Variants in CPNE8 observed in about 807,000 individuals in gnomAD.
CPNE8 encodes copine-8.
In CPNE8, 45 loss-of-function variants were observed where a neutral mutation model predicts 81.5. The ratio of observed to expected loss-of-function variants is 0.55; its 90% CI spans 0.44 to 0.71. The LOEUF is 0.71. Ranked by LOEUF, CPNE8 falls within the 30% of genes least tolerant of loss-of-function variation. CPNE8 has a pLI of 0.00. For missense variants in CPNE8, 594 were observed against 672.1 expected (o/e 0.88, Z 1.28); for synonymous variants, 252 against 226.3 (o/e 1.11, Z -1.02).
At chr12:38,852,855 ATAT>A (rs1388287565) in intron 3 of CPNE8, among the ~76,000 whole-genome samples, 1 of 152,148 alleles carries the variant, frequency 6.6e-6, no homozygotes, top group African/African-American at 2.4e-5. Context: ...ATATGCATAT[ATAT>A]ATATATGGAA....
At chr12:38,724,778 G>T in intron 12 of CPNE8, 68 bp downstream of exon 12, 1 of 1,056,214 alleles carries the variant, frequency 9.5e-7, no homozygotes, top group Middle Eastern at 3.2e-4. Flanking sequence ...TAGGATTAAA[G>T]ATGCCATCTA....
At chr12:38,679,880 C>T (rs1939372591) in intron 16 of CPNE8, among the ~76,000 whole-genome samples, 1 of 151,562 alleles carries the variant, frequency 6.6e-6, no homozygotes. Context: ...TATAAGCTGG[C>T]CACACCTCAA....
intron 11 of CPNE8, among the ~76,000 whole-genome samples, chr12:38,725,130 C>A (rs891621640): frequency 4.6e-5 from 7 of 152,146 alleles, no homozygotes; most frequent in Non-Finnish European, 1.5e-5. Flanking sequence ...CTCACCTGTA[C>A]ATATTGATTA....
intron 16 of CPNE8, among the ~76,000 whole-genome samples, chr12:38,681,574 T>C (rs1225909594): frequency 6.6e-6 from 1 of 152,164 alleles, no homozygotes; most frequent in African/African-American, 2.4e-5. Flanking sequence ...AGATTATAGA[T>C]ATGGTTAACA....
chr12:38,741,827 A>G (rs77680217), intron 10 of CPNE8, among the ~76,000 whole-genome samples: 1 of 10,942 alleles, frequency 9.1e-5, no homozygotes. Flanking sequence ...AATTTGCAAG[A>G]AAAAAAACAA....
At chr12:38,700,691 C>A (rs1391917311) in intron 14 of CPNE8, among the ~76,000 whole-genome samples, 1 of 152,120 alleles carries the variant, frequency 6.6e-6, no homozygotes, top group African/African-American at 2.4e-5. Context: ...ACCCAAATTT[C>A]ATCTTGAATT....
chr12:38,792,133 G>A (rs1211182669), intron 6 of CPNE8, among the ~76,000 whole-genome samples: 1 of 150,652 alleles, frequency 6.6e-6, no homozygotes, highest in African/African-American at 2.4e-5. Context: ...TTTACAAAAA[G>A]AAAGATCTCA....
intron 16 of CPNE8, chr12:38,679,800 G>C: frequency 3.7e-6 from 2 of 537,148 alleles, no homozygotes; most frequent in South Asian, 1.6e-4. Context: ...TTCTCATTTA[G>C]TTATTTTAAA....
chr12:38,903,695 T>C (rs1246834750), intron 1 of CPNE8, among the ~76,000 whole-genome samples: 3 of 152,226 alleles, frequency 2.0e-5, no homozygotes, highest in Non-Finnish European at 4.4e-5. Context: ...GCTGTTATTG[T>C]AGGACTTCCG....
chr12:38,897,650 T>TTA (rs1176376110), intron 1 of CPNE8, among the ~76,000 whole-genome samples: 1 of 150,364 alleles, frequency 6.7e-6, no homozygotes, highest in Non-Finnish European at 1.5e-5. Flanking sequence ...ATATTACATA[T>TTA]TGTATTATGT....
At chr12:38,677,002 A>C (rs74660539) in intron 17 of CPNE8, among the ~76,000 whole-genome samples, 1 of 151,912 alleles carries the variant, frequency 6.6e-6, no homozygotes, top group African/African-American at 2.4e-5. Context: ...CCCTAAAAAA[A>C]AAACATACAA....
chr12:38,886,249 G>A (rs577378986), intron 1 of CPNE8, among the ~76,000 whole-genome samples: 3 of 152,112 alleles, frequency 2.0e-5, no homozygotes, highest in Non-Finnish European at 4.4e-5. Context: ...CCATTTACTA[G>A]CTGTGTAAAC....
At chr12:38,880,946 C>G (rs1393806300) in intron 1 of CPNE8, among the ~76,000 whole-genome samples, 1 of 152,100 alleles carries the variant, frequency 6.6e-6, no homozygotes, top group Non-Finnish European at 1.5e-5. Flanking sequence ...AGCGGTGGCT[C>G]ATGCCTGTAA....
At chr12:38,884,763 C>T (rs551107276) in intron 1 of CPNE8, among the ~76,000 whole-genome samples, 1 of 152,132 alleles carries the variant, frequency 6.6e-6, no homozygotes, top group East Asian at 1.9e-4. Context: ...GATCACCACA[C>T]GTTTTATCAG....
chr12:38,857,735 C>T lies in CPNE8; in HGVS notation c.187-9073G>A, dbSNP rs913048604. The stretch of plus-strand genomic sequence containing the variant: ...AGACCAGCCTGGCCAACATGGCGAA[C>T]CCCCAAAAAAAATAGCCGGGCATGG... On this transcript the variant is annotated intron_variant, in intron 3 of 19. Coordinates refer to ENST00000331366, the MANE Select transcript of CPNE8 (RefSeq NM_153634.3). 3.3e-5 allele frequency among the ~76,000 whole-genome samples: 5 copies of T among 151,908 alleles called. No individual in the cohort carries two copies. In the East Asian group the frequency reaches 9.7e-4, roughly 29 times the overall value.
At chr12:38,769,799 G>T (rs1941764653) in intron 7 of CPNE8, among the ~76,000 whole-genome samples, 1 of 152,100 alleles carries the variant, frequency 6.6e-6, no homozygotes, top group African/African-American at 2.4e-5. Context: ...ACTGGTAAAT[G>T]TAATACTAAA....
chr12:38,843,395 C>T (rs1299226711), intron 4 of CPNE8, among the ~76,000 whole-genome samples: 3 of 152,144 alleles, frequency 2.0e-5, no homozygotes, highest in African/African-American at 7.2e-5. Context: ...AGTCCATGGC[C>T]AGGTGATGAA....
chr12:38,839,500 G>A (rs970192441), intron 5 of CPNE8, among the ~76,000 whole-genome samples: 4 of 150,924 alleles, frequency 2.7e-5, no homozygotes, highest in Admixed American at 2.0e-4. Context: ...AGATATTCAG[G>A]AAATATTGGT....
intron 13 of CPNE8, among the ~76,000 whole-genome samples, chr12:38,723,172 G>T (rs533676417): frequency 2.0e-5 from 3 of 152,100 alleles, no homozygotes; most frequent in Non-Finnish European, 4.4e-5. Flanking sequence ...GGAAGAAATA[G>T]GTTAAAATGA....
Sources: allele counts gnomAD v4.1 joint callset (sites outside exome capture counted in the v4.1 genomes callset), GRCh38; gene constraint gnomAD v4.1.1; transcripts MANE v1.5; gene names NCBI Gene and HGNC (gene_info 2026-07-23, HGNC 2026-07-21).